Variants in SLC30A9 observed in about 807,000 individuals in gnomAD.
The protein encoded by SLC30A9 is solute carrier family 30 member 9.
In SLC30A9, 58 loss-of-function variants were observed where a neutral mutation model predicts 87.5. The ratio of observed to expected loss-of-function variants is 0.66; its 90% confidence interval spans 0.54 to 0.82. SLC30A9 has a LOEUF of 0.82. Ranked by LOEUF, SLC30A9 falls within the 40% of genes least tolerant of loss-of-function variation. The probability of loss-of-function intolerance (pLI) is 0.00; values close to 1 mark genes in which losing one functional copy is unlikely to be tolerated. For synonymous variants in SLC30A9, 234 were observed against 233.0 expected (o/e 1.00, Z -0.04); for missense variants, 557 against 679.1 (o/e 0.82, Z 2.00).
chr4:42,070,415 G>C (rs1320034074), intron 14 of SLC30A9, 111 bp from the exon 15 acceptor site: 9 of 734,440 alleles, frequency 1.2e-5, no homozygotes, highest in African/African-American at 1.8e-5. Flanking sequence ...AAGAAATTAG[G>C]AATAAATTTC....
At chr4:42,068,181 T>A (rs1166780638) in intron 14 of SLC30A9, among the ~76,000 whole-genome samples, 1 of 152,128 alleles carries the variant, frequency 6.6e-6, no homozygotes, top group Non-Finnish European at 1.5e-5. Context: ...ATATTAGACA[T>A]GTTTTGGGTC....
chr4:42,089,122 A>G lies in SLC30A9; in HGVS notation c.*2996A>G, dbSNP rs1719019892. On this transcript the variant is annotated 3_prime_UTR_variant, in exon 18 of 18. Transcript: ENST00000264451. ...CTGCAGGAGAATAATTACAAAAATA[A>G]TACTGGACAGAGGAGGGGCAGTCAA... 1 of 152,250 alleles carries G rather than the reference A, an allele frequency of 6.6e-6. No homozygotes were observed. The highest frequency in any genetic ancestry group is 6.5e-5 in the Admixed American group (1 of 15,290). The allele number at this position is 152,250 out of a possible 1,614,324, so 9.4% of individuals were successfully genotyped here. A position where few individuals can be genotyped will look rare whatever the true frequency, so the allele number is the denominator to read the frequency against.
At chr4:42,082,969 A>ATATC (rs1355821485) in intron 17 of SLC30A9, among the ~76,000 whole-genome samples, 1 of 152,114 alleles carries the variant, frequency 6.6e-6, no homozygotes, top group African/African-American at 2.4e-5. Context: ...AATATAAAAT[A>ATATC]TATCTTGTTA....
chr4:42,058,315 C>T (rs1024617234), intron 9 of SLC30A9, among the ~76,000 whole-genome samples: 6 of 152,168 alleles, frequency 3.9e-5, no homozygotes, highest in Non-Finnish European at 5.9e-5. Context: ...ACAAGTTCCT[C>T]ATTTCCATCT....
intron 1 of SLC30A9, among the ~76,000 whole-genome samples, chr4:41,999,528 A>G (rs563506172): frequency 6.6e-6 from 1 of 152,256 alleles, no homozygotes; most frequent in Non-Finnish European, 1.5e-5. Context: ...GCCTGAAGTT[A>G]GATAAAGCCT....
intron 3 of SLC30A9, chr4:42,018,503 C>T (rs572170061): frequency 1.9e-6 from 2 of 1,070,624 alleles, no homozygotes; most frequent in Non-Finnish European, 2.4e-6. Flanking sequence ...TATTCAAATC[C>T]AGGTAGAGTT....
chr4:42,014,594 A>G (rs1301111273), intron 2 of SLC30A9, among the ~76,000 whole-genome samples: 1 of 151,808 alleles, frequency 6.6e-6, no homozygotes, highest in African/African-American at 2.4e-5. Context: ...CAGAAGAGCT[A>G]TCTGCATTCC....
intron 1 of SLC30A9, among the ~76,000 whole-genome samples, chr4:41,993,487 A>AG (rs1236277487): frequency 6.6e-6 from 1 of 152,222 alleles, no homozygotes; most frequent in African/African-American, 2.4e-5. Context: ...AAGTTCATAA[A>AG]GTTGTTCAAG....
rs781087670 is a variant in SLC30A9, at chr4:41,990,688, T to G, written c.37T>G (p.Cys13Gly). 3.1e-6 allele frequency: 5 copies of G among 1,611,816 alleles called. No individual in the cohort carries two copies. In the South Asian group the frequency reaches 5.5e-5, roughly 18 times the overall value. Residue 13 changes from cysteine to glycine, a missense_variant, in exon 1 of 18, where the codon TGT becomes GGT. Cys to Gly is a radical substitution (Grantham distance 159, BLOSUM62 -3). This residue lies in a region of SLC30A9 where 467 missense variants were observed against 529.8 expected (regional missense o/e 0.88). Transcript: ENST00000264451. ...PGLAAAAAHRCSWSSLCRLRL... is the reference protein window; with the variant it reads ...PGLAAAAAHRGSWSSLCRLRL... The stretch of plus-strand genomic sequence containing the variant: ...CTTGGCCGCCGCCGCGGCCCACAGA[T>G]GTAGCTGGTCCTCCCTGTGCCGGCT...
rs1239515352 is a variant in SLC30A9, at chr4:42,023,630, CAT to C, written c.610+250_610+251del. ...GCTACAGTTTATCATTTTTATAAGA[CAT>C]ATAACTATCAAAACTTATCTGATTT... On this transcript the variant is annotated intron_variant, in intron 6 of 17. Transcript: ENST00000264451. Among the ~76,000 whole-genome samples the C allele has an allele frequency of 2.6e-5, 4 of 152,150 alleles. 1 individual carries two copies. The South Asian group carries it at 6.2e-4, about 24-fold the overall frequency.
At chr4:42,080,549 A>G (rs1217262067) in intron 17 of SLC30A9, among the ~76,000 whole-genome samples, 1 of 152,194 alleles carries the variant, frequency 6.6e-6, no homozygotes, top group Non-Finnish European at 1.5e-5. Context: ...ATGACCAGAG[A>G]TTTTATTGAG....
intron 9 of SLC30A9, 68 bp downstream of exon 9, chr4:42,049,547 G>C: frequency 2.3e-6 from 2 of 851,598 alleles, no homozygotes; most frequent in South Asian, 2.1e-5. Flanking sequence ...TCTAAAAGTT[G>C]ATCTATTTTA....
At chr4:42,076,508 C>T (rs1457721105) in intron 16 of SLC30A9, among the ~76,000 whole-genome samples, 10 of 152,074 alleles carry the variant, frequency 6.6e-5, no homozygotes, top group Middle Eastern at 3.4e-3. Context: ...CTACTGTATG[C>T]GTCTCTACAA....
At chr4:42,008,194 G>A (rs763958153) in intron 2 of SLC30A9, among the ~76,000 whole-genome samples, 1 of 152,154 alleles carries the variant, frequency 6.6e-6, no homozygotes, top group Non-Finnish European at 1.5e-5. Flanking sequence ...TTTCCAAGGT[G>A]CCCTTCTCCA....
At chr4:42,054,206 A>T (rs368227139) in intron 9 of SLC30A9, among the ~76,000 whole-genome samples, 25 of 152,082 alleles carry the variant, frequency 1.6e-4, no homozygotes, top group African/African-American at 5.3e-4. Flanking sequence ...AAATACAAAA[A>T]CATTAGCTGA....
chr4:42,018,330 A>G (rs2581422), intron 3 of SLC30A9, 160 bp downstream of exon 3: 643,817 of 852,824 alleles, frequency 0.75, 251,521 homozygotes, highest in East Asian at 0.97. Context: ...ATTCTCTTAC[A>G]TATAAACTAA....
At chr4:42,085,303 CA>C (rs1261021582) in intron 17 of SLC30A9, among the ~76,000 whole-genome samples, 2 of 152,206 alleles carry the variant, frequency 1.3e-5, no homozygotes, top group Non-Finnish European at 1.5e-5. Flanking sequence ...TTATTTAGTA[CA>C]GTGTAATAGG....
chr4:42,066,989 T>G, intron 13 of SLC30A9, 96 bp from the exon 14 acceptor site: 1 of 739,280 alleles, frequency 1.4e-6, no homozygotes, highest in Admixed American at 2.2e-5. Flanking sequence ...TTAACTTATA[T>G]CTTGATTTTA....
chr4:42,048,461 A>T (rs1717258409), intron 8 of SLC30A9, among the ~76,000 whole-genome samples: 1 of 152,088 alleles, frequency 6.6e-6, no homozygotes, highest in African/African-American at 2.4e-5. Flanking sequence ...TCTCTCATTT[A>T]TAAAATGGGG....
Sources: gnomAD v4.1 joint callset for allele counts (sites outside exome capture counted in the v4.1 genomes callset) on GRCh38, gnomAD v4.1.1 for gene constraint, gnomAD v4.1.1 regional missense constraint, MANE v1.5 for transcripts, NCBI Gene and HGNC (gene_info 2026-07-23, HGNC 2026-07-21) for gene names.